The following COPE variants were observed in gnomAD, a reference collection of about 807,000 sequenced individuals.
COPE encodes coat protein complex I subunit epsilon.
COPE carries 19 observed loss-of-function variants against 42.1 expected under a neutral mutation model. The observed-to-expected ratio is 0.45, with a 90% CI of 0.31 to 0.66. The LOEUF (loss-of-function observed/expected upper bound fraction) is 0.66, where lower values mean the gene tolerates loss of function less well. COPE is among the 30% of genes least tolerant of loss of function. COPE has a pLI of 0.05. For synonymous variants in COPE, 195 were observed against 181.3 expected, an observed-to-expected ratio of 1.08 and a Z score of -0.60; for missense variants, 402 against 416.1, an observed-to-expected ratio of 0.97 and a Z score of 0.30.
At chr19:18,906,777 C>G (rs1430455921) in intron 4 of COPE, 183 bp downstream of exon 4, 12 of 638,100 alleles carry the variant, frequency 1.9e-5, no homozygotes, top group Non-Finnish European at 3.1e-5. Context: ...GCCTGGTGCG[C>G]AGATGGGAGT....
In COPE at chr19:18,906,918, C is replaced by T. The variant is rs139294885; in HGVS notation, c.443+42G>A. ...CAGCCTGGAGATGTGGCAGGGGGCACTTGCCTCCCTGGGCTGGCCCCAGAG... is the reference window on the plus strand; with the variant it reads ...CAGCCTGGAGATGTGGCAGGGGGCATTTGCCTCCCTGGGCTGGCCCCAGAG... On this transcript the variant is annotated intron_variant, in intron 4 of 9. Transcript: ENST00000262812. 3.9e-4 allele frequency: 602 copies of T among 1,525,590 alleles called. 3 individuals are homozygous for T. In the African/African-American group the frequency reaches 7.6e-3, roughly 19 times the overall value. 94.5% of individuals were successfully genotyped at this position (1,525,590 alleles called of 1,614,324 possible). A position where few individuals can be genotyped will look rare whatever the true frequency, so the allele number is the denominator to read the frequency against.
At chr19:18,911,643 C>A (rs2056811446) in intron 2 of COPE, among the ~76,000 whole-genome samples, 1 of 152,022 alleles carries the variant, frequency 6.6e-6, no homozygotes, top group Non-Finnish European at 1.5e-5. Flanking sequence ...GCTCCACCTC[C>A]CAGGTTCACA....
rs1044823 is a variant in COPE at position 18,899,585 on chromosome 19, G to T, written c.*94C>A. The T allele has an allele frequency of 1.5e-6, 2 of 1,360,732 alleles. No homozygotes were observed. The highest frequency in any genetic ancestry group is 3.5e-5 in the Admixed American group (2 of 56,974). 84.3% of individuals were successfully genotyped at this position (1,360,732 alleles called of 1,614,324 possible). A position where few individuals can be genotyped will look rare whatever the true frequency, so the allele number is the denominator to read the frequency against. Reference sequence around the variant, plus strand: ...TGCTGGGGGTGGGCTCCTGCCCCCAGAGGGGATGCAGGTGGATGCCGGGTG... The same window carrying T: ...TGCTGGGGGTGGGCTCCTGCCCCCATAGGGGATGCAGGTGGATGCCGGGTG... On this transcript the variant is annotated 3_prime_UTR_variant, in exon 10 of 10. Transcript: ENST00000262812.
At position 18,902,716 on chromosome 19, in the gene COPE, A is replaced by AAAGGAAGGAAAGG. The variant is rs1555709088; in HGVS notation, c.735+551_735+552insCCTTTCCTTCCTT. Among the ~76,000 whole-genome samples the AAAGGAAGGAAAGG allele has an allele frequency of 1.3e-3, 41 of 31,842 alleles. 18 individuals are homozygous for AAAGGAAGGAAAGG. The highest frequency in any genetic ancestry group is 2.4e-3 in the Non-Finnish European group (40 of 16,516). 20.9% of individuals were successfully genotyped at this position (31,842 alleles called of 152,430 possible). Reference sequence around the variant, plus strand: ...AGGAAGGAAAGGAAGGAAAGGAAGGAAAGGAAAGGAAGGAAAGGAAGGAAA... The same window carrying AAAGGAAGGAAAGG: ...AGGAAGGAAAGGAAGGAAAGGAAGGAAAGGAAGGAAAGGAAGGAAAGGAAGGAAAGGAAGGAAA... On this transcript the variant is annotated intron_variant, in intron 7 of 9. Transcript: ENST00000262812.
intron 1 of COPE, 117 bp downstream of exon 1, chr19:18,919,106 G>T: frequency 1.9e-6 from 2 of 1,058,246 alleles, no homozygotes; most frequent in Non-Finnish European, 2.8e-6. Context: ...GGAAGAGGTG[G>T]CCCAAAAAAC....
At chr19:18,903,457 C>T in intron 6 of COPE, 34 bp from the exon 7 acceptor site, 6 of 1,569,298 alleles carry the variant, frequency 3.8e-6, no homozygotes, top group Non-Finnish European at 5.2e-6. Flanking sequence ...TGCCTGTGCC[C>T]CTGCTGCCCG....
At chr19:18,908,673 T>C (rs2056782928) in intron 3 of COPE, among the ~76,000 whole-genome samples, 1 of 148,072 alleles carries the variant, frequency 6.8e-6, no homozygotes, top group African/African-American at 2.5e-5. Flanking sequence ...CCCGCCACCA[T>C]GCCCGGCTAA....
chr19:18,903,411 G>A lies in COPE; in HGVS notation c.592C>T (p.Leu198=). ...WVSLATGGEK[L]QDAYYIFQEM... is the part of the protein sequence containing the mutation. ...TGGAAGATGTAGTAGGCATCCTGCA[G>A]CTTCTCACCACCCTGCAGGGAGGGT... The change falls in exon 7 of 10, where the codon CTG becomes TTG. Residue 198 remains leucine (L), a synonymous_variant. Coordinates refer to ENST00000262812, the MANE Select transcript of COPE (RefSeq NM_007263.4). 1 of 1,610,022 alleles carries A rather than the reference G, an allele frequency of 6.2e-7. No individual in the cohort carries two copies. The highest frequency in any genetic ancestry group is 8.5e-7 in the Non-Finnish European group (1 of 1,177,844).
chr19:18,905,526 A>ACGCTCTGGGCTGTGG, intron 5 of COPE, 50 bp downstream of exon 5: 1 of 1,492,172 alleles, frequency 6.7e-7, no homozygotes, highest in Non-Finnish European at 9.1e-7. Context: ...CTGGGCTGTG[A>ACGCTCTGGGCTGTGG]CGCTCTGGGC....
At chr19:18,914,941 T>C (rs150787369) in intron 1 of COPE, among the ~76,000 whole-genome samples, 1,874 of 152,010 alleles carry the variant, frequency 0.012, 37 homozygotes, top group African/African-American at 0.042. Context: ...TTGGCCAGGC[T>C]GGTCTTGAAC....
rs867717608 is a variant in COPE, at chr19:18,902,796, G to A, written c.735+472C>T. On this transcript the variant is annotated intron_variant, in intron 7 of 9. Coordinates refer to ENST00000262812, the MANE Select transcript of COPE (RefSeq NM_007263.4). ...AAGAAGGAAGGAAGGAAGGAAGGAA[G>A]GAAGGAAGGAAGGAAGGAAGGAAGG... Among the ~76,000 whole-genome samples, 9 of 81,264 alleles carry A rather than the reference G, an allele frequency of 1.1e-4. 2 individuals carry two copies. Among genetic ancestry groups the A allele is most frequent in the Admixed American group, 4.5e-4 (4 of 8,804 alleles). 53.3% of individuals were successfully genotyped at this position (81,264 alleles called of 152,430 possible).
chr19:18,899,715 A>T lies in COPE; in HGVS notation c.891T>A (p.Phe297Leu), dbSNP rs775154069. The change falls in exon 10 of 10, where the codon TTT becomes TTA. Residue 297 changes from phenylalanine (F) to leucine (L), a missense_variant. Phe to Leu is a conservative substitution (Grantham distance 22). Coordinates refer to ENST00000262812, the MANE Select transcript of COPE (RefSeq NM_007263.4). ...GAGCGTACTGTAGCACCAGCCTGTC[A>T]AAGTCGTTCTCCTTTAGCAAGACAC... ...IKEYQAKEND[F>L]DRLVLQYAPS... 22 of 1,613,746 alleles carry T rather than the reference A, an allele frequency of 1.4e-5. No individual in the cohort carries two copies. The highest frequency in any genetic ancestry group is 2.2e-5 in the South Asian group (2 of 91,092).
In COPE at chr19:18,905,992, T is replaced by C. The variant is rs2056755878; in HGVS notation, c.444-363A>G. 1.4e-5 allele frequency: 6 copies of C among 435,018 alleles called. No homozygotes were observed. The Admixed American group carries it at 2.6e-4, about 19-fold the overall frequency. The allele number at this position is 435,018 out of a possible 1,614,324, so 26.9% of individuals were successfully genotyped here. A position where few individuals can be genotyped will look rare whatever the true frequency, so the allele number is the denominator to read the frequency against. On this transcript the variant is annotated intron_variant, in intron 4 of 9. Transcript: ENST00000262812. ...TAGAGGAGGGCCACGCACCCGCCCC[T>C]GCACCTGCACCTGCAGCAGAGCCCT...
Position 18,905,615 on chromosome 19 carries a change from A to G in COPE, c.458T>C (p.Val153Ala), listed in dbSNP as rs751560591. The G allele has an allele frequency of 9.4e-6, 15 of 1,593,518 alleles. No homozygotes were observed. The East Asian group carries it at 3.1e-4, about 33-fold the overall frequency. The change falls in exon 5 of 10, where the codon GTG (valine) becomes GCG (alanine). Residue 153 changes from valine to alanine, a missense_variant. Physicochemically the swap from Val to Ala is moderately conservative, Grantham distance 64. Transcript: ENST00000262812. ...GDSLECTAMT[V>A]QILLKLDRLD... is the part of the protein sequence containing the mutation. ...GCGGTCCAGCTTCAGCAGGATCTGC[A>G]CTGTCATGGCTGTGCTGCAGGACAG...
At chr19:18,917,997 T>G (rs1398546829) in intron 1 of COPE, among the ~76,000 whole-genome samples, 1 of 151,596 alleles carries the variant, frequency 6.6e-6, no homozygotes, top group Non-Finnish European at 1.5e-5. Context: ...GAGACCATCC[T>G]GGCCAACATG....
chr19:18,908,977 G>A (rs916203985), intron 3 of COPE, among the ~76,000 whole-genome samples: 3 of 152,104 alleles, frequency 2.0e-5, no homozygotes, highest in African/African-American at 4.8e-5. Flanking sequence ...CAGGCTGAAC[G>A]ACAGAGCAAG....
intron 1 of COPE, among the ~76,000 whole-genome samples, chr19:18,916,523 C>T (rs1046893915): frequency 1.3e-5 from 2 of 152,116 alleles, no homozygotes; most frequent in Non-Finnish European, 2.9e-5. Context: ...GGAACGGTAA[C>T]TCATGCCTAT....
chr19:18,916,644 T>C (rs1282614280), intron 1 of COPE, among the ~76,000 whole-genome samples: 1 of 151,066 alleles, frequency 6.6e-6, no homozygotes, highest in Non-Finnish European at 1.5e-5. Context: ...AAAAATTAGC[T>C]GGGTGTGGTG....
Position 18,904,779 on chromosome 19 carries a change from G to A in COPE, c.571C>T (p.Leu191=), listed in dbSNP as rs1204971775. The stretch of plus-strand genomic sequence containing the variant: ...CATGGCCTAGGGCTCACCGTGGCCA[G>A]GCTGACCCAGGCAGTGGCGAGCTGG... ...LTQLATAWVS[L]ATGGEKLQDA... Residue 191 remains leucine, a synonymous_variant, in exon 6 of 10, where the codon CTG becomes TTG. Transcript: ENST00000262812. 6.4e-7 allele frequency: 1 copy of A among 1,552,870 alleles called. No homozygotes were observed. The highest frequency in any genetic ancestry group is 2.0e-5 in the Admixed American group (1 of 51,274).
Sources: gnomAD v4.1 joint callset for allele counts (sites outside exome capture counted in the v4.1 genomes callset) on GRCh38, gnomAD v4.1.1 for gene constraint, MANE v1.5 for transcripts, NCBI Gene and HGNC (gene_info 2026-07-23, HGNC 2026-07-21) for gene names.